Variants in XNDC1N observed in about 807,000 individuals in gnomAD.
XNDC1N encodes XRCC1 N-terminal domain containing 1, N-terminal like, also known as protein XNDC1N.
At chr11:71,923,558 T>G in the XNDC1N span, 1 of 471,942 alleles carries the variant, frequency 2.1e-6, no homozygotes, top group African/African-American at 2.4e-5. Context: ...CATTTCTGTT[T>G]TGTTTTTTTT....
chr11:71,887,650 C>G, the XNDC1N span, among the ~76,000 whole-genome samples: 1 of 152,236 alleles, frequency 6.6e-6, no homozygotes, highest in Non-Finnish European at 1.5e-5. Flanking sequence ...AGGTCCATCT[C>G]AAGCACCTAA....
the XNDC1N span, among the ~76,000 whole-genome samples, chr11:71,902,136 T>C: frequency 6.6e-6 from 1 of 152,166 alleles, no homozygotes; most frequent in Non-Finnish European, 1.5e-5. Context: ...AATTGACACT[T>C]CCTTGCTTCA....
the XNDC1N span, among the ~76,000 whole-genome samples, chr11:71,898,468 G>A: frequency 2.6e-5 from 4 of 152,106 alleles, no homozygotes; most frequent in East Asian, 5.8e-4. Context: ...TTAGCTGGGC[G>A]TGATAGCGCA....
At chr11:71,869,574 T>C in the XNDC1N span, among the ~76,000 whole-genome samples, 5 of 152,230 alleles carry the variant, frequency 3.3e-5, no homozygotes, top group African/African-American at 1.2e-4. Flanking sequence ...TAAATTCTCA[T>C]AGAGAGTTTT....
chr11:71,885,867 A>G, the XNDC1N span, among the ~76,000 whole-genome samples: 1 of 151,944 alleles, frequency 6.6e-6, no homozygotes, highest in Non-Finnish European at 1.5e-5. Context: ...ATCATTAATC[A>G]TTAATATTAA....
At chr11:71,917,207 T>G in the XNDC1N span, 1 of 540,226 alleles carries the variant, frequency 1.9e-6, no homozygotes, top group Non-Finnish European at 3.3e-6. Flanking sequence ...AGAGATGGGA[T>G]TTCACCATGC....
At chr11:71,901,946 C>T in the XNDC1N span, among the ~76,000 whole-genome samples, 1 of 151,372 alleles carries the variant, frequency 6.6e-6, no homozygotes, top group Non-Finnish European at 1.5e-5. Flanking sequence ...GGAAATATCC[C>T]CTGACCTGAA....
the XNDC1N span, among the ~76,000 whole-genome samples, chr11:71,888,156 T>A: frequency 6.6e-6 from 1 of 152,100 alleles, no homozygotes; most frequent in East Asian, 1.9e-4. Context: ...CACCGGCACC[T>A]GGAGGACTGT....
chr11:71,895,095 C>T, the XNDC1N span, among the ~76,000 whole-genome samples: 5 of 144,660 alleles, frequency 3.5e-5, no homozygotes, highest in Admixed American at 7.2e-5. Flanking sequence ...GATTTCCTTG[C>T]ACCTGTGTGA....
chr11:71,871,885 A>C, the XNDC1N span, among the ~76,000 whole-genome samples: 24 of 152,206 alleles, frequency 1.6e-4, no homozygotes, highest in Non-Finnish European at 2.8e-4. Flanking sequence ...AGATGTGGCT[A>C]AATGAGGGCC....
At chr11:71,881,000 A>T in the XNDC1N span, among the ~76,000 whole-genome samples, 1 of 152,154 alleles carries the variant, frequency 6.6e-6, no homozygotes, top group Non-Finnish European at 1.5e-5. Context: ...TTTTGGATGA[A>T]ATGTTGTGTA....
At chr11:71,881,411 T>G in the XNDC1N span, among the ~76,000 whole-genome samples, 1 of 152,160 alleles carries the variant, frequency 6.6e-6, no homozygotes, top group Non-Finnish European at 1.5e-5. Context: ...AAAAGTTCAT[T>G]TTCTCACAGT....
At chr11:71,928,335 TC>T in the XNDC1N span, 2 of 630,460 alleles carry the variant, frequency 3.2e-6, no homozygotes, top group Non-Finnish European at 5.7e-6. Flanking sequence ...GCCACTCCCC[TC>T]CCCATCAACA....
the XNDC1N span, among the ~76,000 whole-genome samples, chr11:71,896,873 T>G: frequency 6.6e-6 from 1 of 152,248 alleles, no homozygotes; most frequent in Non-Finnish European, 1.5e-5. Flanking sequence ...CCATGCTGTA[T>G]CCTTATCTGT....
At chr11:71,909,174 C>T in the XNDC1N span, among the ~76,000 whole-genome samples, 1 of 152,174 alleles carries the variant, frequency 6.6e-6, no homozygotes, top group Non-Finnish European at 1.5e-5. Flanking sequence ...ACAGGCTGGG[C>T]TTGCAGGGAT....
At chr11:71,865,754 A>G in the XNDC1N span, 1 of 401,982 alleles carries the variant, frequency 2.5e-6, no homozygotes. Flanking sequence ...AGCACTGTCA[A>G]CATTTTGAGA....
the XNDC1N span, among the ~76,000 whole-genome samples, chr11:71,924,692 A>C: frequency 4.6e-5 from 7 of 152,164 alleles, no homozygotes; most frequent in Admixed American, 2.6e-4. Context: ...TCAGAAAAAA[A>C]ACAAAAAAAA....
chr11:71,895,782 A>T, the XNDC1N span, among the ~76,000 whole-genome samples: 1 of 152,212 alleles, frequency 6.6e-6, no homozygotes, highest in Non-Finnish European at 1.5e-5. Context: ...GAGACATTTT[A>T]AAAATATTTG....
At chr11:71,871,372 G>A in the XNDC1N span, among the ~76,000 whole-genome samples, 4 of 152,110 alleles carry the variant, frequency 2.6e-5, no homozygotes, top group Middle Eastern at 3.2e-3. Flanking sequence ...CCAGAGCCTG[G>A]GGATGGTAAA....
Sources: gnomAD v4.1 joint callset for allele counts (sites outside exome capture counted in the v4.1 genomes callset) on GRCh38, gnomAD v4.1.1 for gene constraint, MANE v1.5 for transcripts, NCBI Gene and HGNC (gene_info 2026-07-23, HGNC 2026-07-21) for gene names.